Variants in CACNA1C observed in about 807,000 individuals in gnomAD.
CACNA1C encodes the protein voltage-dependent L-type calcium channel subunit alpha-1C.
In CACNA1C, 30 loss-of-function variants were observed where a neutral mutation model predicts 229.0. That is an observed-to-expected ratio of 0.13 (90% CI 0.10 to 0.18). The LOEUF (loss-of-function observed/expected upper bound fraction) is 0.18, where lower values mean the gene tolerates loss of function less well. Among genes scored for constraint, CACNA1C ranks in the 10% least tolerant of loss-of-function variants. The pLI is 1.00. For missense variants in CACNA1C, 1,658 were observed against 2,845.0 expected, an observed-to-expected ratio of 0.58 and a Z score of 9.49; for synonymous variants, 1,114 against 1,132.5, an observed-to-expected ratio of 0.98 and a Z score of 0.33.
rs1260019945 is a variant in CACNA1C at position 2,403,020 on chromosome 12, A to T, written c.478-45956A>T. The stretch of plus-strand genomic sequence containing the variant: ...TGAAAGAGATAGACAGATCATGAGG[A>T]TCTTCAAGTTAGGGGCATTAGAATA... On this transcript the variant is annotated intron_variant, in intron 3 of 46. Transcript: ENST00000399655. This position sits in a 1 kb window ranked among gnomAD's most constrained non-coding sequence, Gnocchi z 4.1. Among the ~76,000 whole-genome samples the T allele has an allele frequency of 3.9e-5, 6 of 152,152 alleles. No homozygotes were observed. The highest frequency in any genetic ancestry group is 1.2e-4 in the African/African-American group (5 of 41,424).
At chr12:2,310,853 C>T (rs898252446) in intron 3 of CACNA1C, among the ~76,000 whole-genome samples, 1 of 152,196 alleles carries the variant, frequency 6.6e-6, no homozygotes, top group Admixed American at 6.5e-5. Flanking sequence ...ATGGAGTTTT[C>T]TGTGAATCCC....
At chr12:2,359,104 G>A (rs906162380) in intron 3 of CACNA1C, among the ~76,000 whole-genome samples, 4 of 152,202 alleles carry the variant, frequency 2.6e-5, no homozygotes, top group Non-Finnish European at 4.4e-5. Context: ...TCTCAAAAGT[G>A]AATTTCTGCT....
At chr12:2,145,193 A>G (rs1156835387) in intron 3 of CACNA1C, among the ~76,000 whole-genome samples, 1 of 151,380 alleles carries the variant, frequency 6.6e-6, no homozygotes, top group African/African-American at 2.4e-5. Context: ...TTCCCCCTGT[A>G]GCTAGCCATT....
intron 1 of CACNA1C, among the ~76,000 whole-genome samples, chr12:2,078,026 G>A (rs1224060645): frequency 3.3e-5 from 5 of 152,208 alleles, no homozygotes; most frequent in African/African-American, 1.2e-4. Context: ...GTGTGTGGAA[G>A]CAAATTCATG....
At chr12:2,546,104 C>A (rs2099880384) in intron 9 of CACNA1C, among the ~76,000 whole-genome samples, 6 of 151,936 alleles carry the variant, frequency 3.9e-5, no homozygotes. Context: ...TGTCTTCCTG[C>A]TCTCCCATGC....
At position 2,639,908 on chromosome 12, in the gene CACNA1C, G is replaced by A. The variant is rs574039644; in HGVS notation, c.3912+5528G>A. Among the ~76,000 whole-genome samples, 3 of 152,308 alleles carry A rather than the reference G, an allele frequency of 2.0e-5. No individual in the cohort carries two copies. The South Asian group carries it at 6.2e-4, about 32-fold the overall frequency. On this transcript the variant is annotated intron_variant, in intron 30 of 46. Coordinates refer to ENST00000399655, the MANE Select transcript of CACNA1C (RefSeq NM_000719.7). This position sits in a 1 kb window ranked among gnomAD's most constrained non-coding sequence, Gnocchi z 4.2. ...AGGAGAAAGACCTTCGGGGAGCAGA[G>A]CAGGCACAGGGAGGGGAAAGAACAC...
intron 3 of CACNA1C, among the ~76,000 whole-genome samples, chr12:2,320,745 A>G (rs1454603335): frequency 1.3e-5 from 2 of 152,220 alleles, no homozygotes; most frequent in African/African-American, 4.8e-5. Flanking sequence ...GCTTCCCTCA[A>G]GAAAAGCTCT....
chr12:2,569,944 C>T (rs969197826), intron 13 of CACNA1C, among the ~76,000 whole-genome samples: 15 of 152,146 alleles, frequency 9.9e-5, no homozygotes, highest in African/African-American at 3.4e-4. Flanking sequence ...TTCACATTCT[C>T]ACAAGCATCG....
At chr12:2,466,138 G>A (rs2099549104) in intron 5 of CACNA1C, among the ~76,000 whole-genome samples, 2 of 152,114 alleles carry the variant, frequency 1.3e-5, no homozygotes, top group African/African-American at 4.8e-5. Context: ...AGCAAGCGGT[G>A]CCAGTTAATC....
rs371426959 is a variant in CACNA1C, at chr12:2,060,098, G to A, written c.49+6487G>A. Among the ~76,000 whole-genome samples, 4 of 152,300 alleles carry A rather than the reference G, an allele frequency of 2.6e-5. No individual in the cohort carries two copies. In the East Asian group the frequency reaches 5.8e-4, roughly 22 times the overall value. On this transcript the variant is annotated intron_variant, in intron 1 of 46. Transcript: ENST00000399655. ...CCACAAGAAACTCCTGCAAAATTCAGATCACGATTTTGTCTGCAAACAGAT... is the reference window on the plus strand; with the variant it reads ...CCACAAGAAACTCCTGCAAAATTCAAATCACGATTTTGTCTGCAAACAGAT...
intron 5 of CACNA1C, among the ~76,000 whole-genome samples, chr12:2,474,794 A>AG (rs2099615408): frequency 1.3e-5 from 2 of 151,948 alleles, no homozygotes; most frequent in African/African-American, 4.8e-5. Context: ...AAAGAAAAAA[A>AG]GAAATGCAGG....
intron 39 of CACNA1C, among the ~76,000 whole-genome samples, chr12:2,674,956 C>G (rs555274184): frequency 6.6e-6 from 1 of 152,296 alleles, no homozygotes; most frequent in Non-Finnish European, 1.5e-5. Context: ...TTTGGCAGAA[C>G]TTCTAAAGAA....
In CACNA1C at chr12:2,632,127, C is replaced by T. The variant is rs2090708824; in HGVS notation, c.3829-2170C>T. On this transcript the variant is annotated intron_variant, in intron 29 of 46. Coordinates refer to ENST00000399655, the MANE Select transcript of CACNA1C (RefSeq NM_000719.7). This position sits in a 1 kb window ranked among gnomAD's most constrained non-coding sequence, Gnocchi z 4.1. ...ACCTCCTGGAAGCCCAGAGGGCAGG[C>T]AAATACTGGTCCCACTGAAAAAATG... is the stretch of plus-strand genomic sequence containing the variant. Among the ~76,000 whole-genome samples, 1 of 152,154 alleles carries T rather than the reference C, an allele frequency of 6.6e-6. No individual in the cohort carries two copies. Among genetic ancestry groups the T allele is most frequent in the Non-Finnish European group, 1.5e-5 (1 of 68,030 alleles).
At chr12:2,401,845 C>G (rs892472840) in intron 3 of CACNA1C, among the ~76,000 whole-genome samples, 1 of 152,222 alleles carries the variant, frequency 6.6e-6, no homozygotes, top group African/African-American at 2.4e-5. Flanking sequence ...GTTCTTTACA[C>G]TATGTCCTCT....
intron 5 of CACNA1C, among the ~76,000 whole-genome samples, chr12:2,484,678 G>A (rs1318772836): frequency 6.6e-6 from 1 of 152,026 alleles, no homozygotes; most frequent in Non-Finnish European, 1.5e-5. Flanking sequence ...CCACCACCTC[G>A]AGTAGCACTT....
chr12:2,676,946 T>TC (rs2153786019), intron 39 of CACNA1C, 148 bp from the exon 40 acceptor site: 1 of 628,116 alleles, frequency 1.6e-6, no homozygotes, highest in South Asian at 2.1e-5. Context: ...TGGTTTTTTT[T>TC]CTCTCTTTTT....
chr12:2,100,167 C>T (rs779472256), intron 1 of CACNA1C, among the ~76,000 whole-genome samples: 7 of 152,004 alleles, frequency 4.6e-5, no homozygotes, highest in African/African-American at 1.5e-4. Context: ...GGATGGGGGC[C>T]GGGTGCAGTG....
intron 1 of CACNA1C, among the ~76,000 whole-genome samples, chr12:2,092,493 G>C (rs2071654276): frequency 6.6e-6 from 1 of 152,170 alleles, no homozygotes; most frequent in Non-Finnish European, 1.5e-5. Context: ...TCGCACCCTG[G>C]ACGTGGCATT....
At chr12:2,625,248 C>G (rs1383552858) in intron 29 of CACNA1C, among the ~76,000 whole-genome samples, 1 of 152,168 alleles carries the variant, frequency 6.6e-6, no homozygotes, top group Non-Finnish European at 1.5e-5. Flanking sequence ...TGTGGGAAGG[C>G]TAGTATTAGC....
Sources: allele counts gnomAD v4.1 joint callset (sites outside exome capture counted in the v4.1 genomes callset), GRCh38; gene constraint gnomAD v4.1.1; non-coding constraint Gnocchi (gnomAD v3.1); transcripts MANE v1.5; gene names NCBI Gene and HGNC (gene_info 2026-07-23, HGNC 2026-07-21).